PSMD14: variants seen among roughly 807,000 people sequenced by gnomAD.
PSMD14 encodes proteasome 26S subunit, non-ATPase 14.
A neutral mutation model predicts 41.2 loss-of-function variants in PSMD14; 7 were observed. The observed-to-expected ratio is 0.17, with a 90% CI of 0.10 to 0.32. The LOEUF is 0.32. Among genes scored for constraint, PSMD14 ranks in the 10% least tolerant of loss-of-function variants. PSMD14 has a pLI of 1.00. For missense variants in PSMD14, 139 were observed against 375.6 expected (o/e 0.37, Z 5.21); for synonymous variants, 114 against 122.3 (o/e 0.93, Z 0.45).
chr2:161,319,044 A>C (rs1689175018), intron 3 of PSMD14, 171 bp downstream of exon 3: 6 of 448,786 alleles, frequency 1.3e-5, no homozygotes, highest in Non-Finnish European at 2.4e-5. Context: ...ACATGTGGAA[A>C]ACATTTATTG....
At chr2:161,346,420 A>C (rs1023840564) in intron 3 of PSMD14, among the ~76,000 whole-genome samples, 5 of 151,952 alleles carry the variant, frequency 3.3e-5, no homozygotes, top group African/African-American at 1.2e-4. Flanking sequence ...GACAGTTTTA[A>C]AAACTTCTAA....
chr2:161,387,822 A>G (rs1405351668), intron 8 of PSMD14, among the ~76,000 whole-genome samples: 1 of 152,016 alleles, frequency 6.6e-6, no homozygotes, highest in African/African-American at 2.4e-5. Context: ...TATTTTTTAA[A>G]GTACTACTTG....
At chr2:161,311,214 A>T (rs1312386322) in intron 1 of PSMD14, among the ~76,000 whole-genome samples, 1 of 152,024 alleles carries the variant, frequency 6.6e-6, no homozygotes, top group Non-Finnish European at 1.5e-5. Context: ...CAGGCTGAGG[A>T]AGGAGAATCG....
At chr2:161,366,855 A>T (rs1469492459) in intron 3 of PSMD14, among the ~76,000 whole-genome samples, 1 of 152,180 alleles carries the variant, frequency 6.6e-6, no homozygotes, top group Non-Finnish European at 1.5e-5. Context: ...TACTTGTTTT[A>T]AAGGTAGTGG....
At chr2:161,353,424 A>G (rs1211429830) in intron 3 of PSMD14, among the ~76,000 whole-genome samples, 1 of 152,112 alleles carries the variant, frequency 6.6e-6, no homozygotes, top group Non-Finnish European at 1.5e-5. Context: ...AACAGTATTC[A>G]CTCATGTTTG....
intron 9 of PSMD14, 128 bp from the exon 10 acceptor site, chr2:161,394,950 C>T: frequency 2.5e-6 from 2 of 804,662 alleles, no homozygotes; most frequent in Non-Finnish European, 1.9e-6. Context: ...AATTGGAGTT[C>T]ATTTGAATTA....
intron 10 of PSMD14, among the ~76,000 whole-genome samples, chr2:161,405,218 C>G (rs1344032516): frequency 1.3e-5 from 2 of 152,164 alleles, no homozygotes; most frequent in African/African-American, 4.8e-5. Flanking sequence ...TTTTCCCTTT[C>G]CCTGTTACTA....
At chr2:161,313,008 T>G (rs757530357) in intron 1 of PSMD14, among the ~76,000 whole-genome samples, 1 of 152,248 alleles carries the variant, frequency 6.6e-6, no homozygotes, top group African/African-American at 2.4e-5. Context: ...TACTATATGA[T>G]AAGCATTGTG....
intron 3 of PSMD14, among the ~76,000 whole-genome samples, chr2:161,358,768 C>T (rs916918720): frequency 6.6e-6 from 1 of 152,086 alleles, no homozygotes; most frequent in East Asian, 1.9e-4. Context: ...CATGGTGAAA[C>T]CCCGTCTCCA....
Position 161,387,664 on chromosome 2 carries a change from A to G in PSMD14, c.570+2093A>G, listed in dbSNP as rs139796199. Among the ~76,000 whole-genome samples the G allele has an allele frequency of 1.1e-4, 16 of 152,170 alleles. No homozygotes were observed. In the East Asian group the frequency reaches 3.1e-3, roughly 29 times the overall value. On this transcript the variant is annotated intron_variant, in intron 8 of 11. Transcript: ENST00000409682. Reference sequence around the variant, plus strand: ...TATCAGTTCTCCATTCTGCAAGTGTATATTTTATAGATGGTGCCTATATAT... The same window carrying G: ...TATCAGTTCTCCATTCTGCAAGTGTGTATTTTATAGATGGTGCCTATATAT...
At chr2:161,390,133 T>C (rs1243745858) in intron 8 of PSMD14, among the ~76,000 whole-genome samples, 1 of 151,872 alleles carries the variant, frequency 6.6e-6, no homozygotes, top group Non-Finnish European at 1.5e-5. Flanking sequence ...TAGCTGCTCA[T>C]TAAATGTTCT....
chr2:161,360,631 A>G (rs1431818036), intron 3 of PSMD14, among the ~76,000 whole-genome samples: 1 of 152,176 alleles, frequency 6.6e-6, no homozygotes, highest in African/African-American at 2.4e-5. Context: ...CTGGGATTAC[A>G]GGCATGAGCT....
intron 3 of PSMD14, among the ~76,000 whole-genome samples, chr2:161,339,795 A>C: frequency 6.6e-6 from 1 of 152,290 alleles, no homozygotes; most frequent in Non-Finnish European, 1.5e-5. Flanking sequence ...CTAAGCCCTG[A>C]ACCAAAGGTT....
intron 7 of PSMD14, among the ~76,000 whole-genome samples, chr2:161,376,589 A>G (rs1304060794): frequency 6.6e-6 from 1 of 151,938 alleles, no homozygotes. Flanking sequence ...TAATCTAGGA[A>G]TACTCTTCTG....
intron 2 of PSMD14, among the ~76,000 whole-genome samples, chr2:161,318,421 G>A (rs1008362288): frequency 6.6e-6 from 1 of 152,106 alleles, no homozygotes; most frequent in Non-Finnish European, 1.5e-5. Flanking sequence ...ATTTAAAAGT[G>A]AGGATTTTTA....
chr2:161,376,822 G>T (rs187595352), intron 7 of PSMD14, among the ~76,000 whole-genome samples: 1 of 151,892 alleles, frequency 6.6e-6, no homozygotes, highest in Non-Finnish European at 1.5e-5. Flanking sequence ...AATTCAGTGC[G>T]TTGCAATAGT....
chr2:161,391,762 T>C (rs1683715002), intron 9 of PSMD14, among the ~76,000 whole-genome samples: 1 of 152,014 alleles, frequency 6.6e-6, no homozygotes, highest in Non-Finnish European at 1.5e-5. Flanking sequence ...TGGCTATTTT[T>C]TGGGTGGTGG....
At chr2:161,310,874 A>C (rs1689079459) in intron 1 of PSMD14, among the ~76,000 whole-genome samples, 1 of 152,148 alleles carries the variant, frequency 6.6e-6, no homozygotes, top group Non-Finnish European at 1.5e-5. Context: ...GGTTTGTGTC[A>C]AGCTGCTTCT....
chr2:161,330,909 G>A (rs1682777435), intron 3 of PSMD14, among the ~76,000 whole-genome samples: 1 of 152,144 alleles, frequency 6.6e-6, no homozygotes, highest in Non-Finnish European at 1.5e-5. Flanking sequence ...TTACCTGCCT[G>A]TGGTAATTTT....
Sources: allele counts gnomAD v4.1 joint callset (sites outside exome capture counted in the v4.1 genomes callset), GRCh38; gene constraint gnomAD v4.1.1; transcripts MANE v1.5; gene names NCBI Gene and HGNC (gene_info 2026-07-23, HGNC 2026-07-21).